The following AKAP9 variants were observed in gnomAD, a reference collection of about 807,000 sequenced individuals.
The protein encoded by AKAP9 is A-kinase anchoring protein 9.
Under a neutral mutation model 488.5 loss-of-function variants are expected in AKAP9, and 311 were observed. That is an observed-to-expected ratio of 0.64 (90% confidence interval 0.58 to 0.70). AKAP9 has a LOEUF of 0.70. AKAP9 is among the 30% of genes least tolerant of loss of function. The pLI, the probability that AKAP9 is intolerant of heterozygous loss-of-function variation, is 0.00. For synonymous variants in AKAP9, 1,462 were observed against 1,483.5 expected (o/e 0.99, Z 0.33); for missense variants, 4,215 against 4,374.5 (o/e 0.96, Z 1.03).
intron 22 of AKAP9, 66 bp from the exon 23 acceptor site, chr7:92,061,194 A>T (rs1239697608): frequency 6.4e-7 from 1 of 1,570,032 alleles, no homozygotes; most frequent in African/African-American, 1.4e-5. Context: ...TCCAGCTTTA[A>T]TAGGGAATGA....
chr7:91,993,298 C>T (rs1385573344), intron 5 of AKAP9, among the ~76,000 whole-genome samples: 1 of 151,756 alleles, frequency 6.6e-6, no homozygotes, highest in Non-Finnish European at 1.5e-5. Context: ...AAGCGATCCT[C>T]CCACCTCAGC....
intron 39 of AKAP9, among the ~76,000 whole-genome samples, chr7:92,094,490 G>A (rs1033409304): frequency 2.6e-5 from 4 of 151,576 alleles, no homozygotes; most frequent in East Asian, 3.9e-4. Flanking sequence ...CCAGGATCGC[G>A]CTATTGCACT....
intron 1 of AKAP9, among the ~76,000 whole-genome samples, chr7:91,957,205 A>G (rs1181485945): frequency 6.6e-6 from 1 of 152,178 alleles, no homozygotes; most frequent in Admixed American, 6.5e-5. Flanking sequence ...GTAAAATTTA[A>G]CAATTTCCTA....
At position 92,110,454 on chromosome 7, in the gene AKAP9, TTTACGCA is replaced by T; in HGVS notation, c.*300_*306del. On this transcript the variant is annotated 3_prime_UTR_variant, in exon 50 of 50. Transcript: ENST00000356239. Reference sequence around the variant, plus strand: ...ATCAAATGGGTGAAAAGATTAAACTTTTACGCATTACAATACTGCTGAATGTGTAGCT... The same window carrying T: ...ATCAAATGGGTGAAAAGATTAAACTTTTACAATACTGCTGAATGTGTAGCT... 1 of 440,336 alleles carries T rather than the reference TTTACGCA, an allele frequency of 2.3e-6. No individual in the cohort carries two copies. Among genetic ancestry groups the T allele is most frequent in the South Asian group, 2.6e-5 (1 of 38,806 alleles). The allele number at this position is 440,336 out of a possible 1,614,324, so 27.3% of individuals were successfully genotyped here.
Position 92,092,804 on chromosome 7 carries a change from G to A in AKAP9, c.9359-293G>A, listed in dbSNP as rs530724678. 2.1e-5 allele frequency: 7 copies of A among 325,722 alleles called. No individual in the cohort carries two copies. The East Asian group carries it at 3.7e-4, about 17-fold the overall frequency. The allele number at this position is 325,722 out of a possible 1,614,324, so 20.2% of individuals were successfully genotyped here. On this transcript the variant is annotated intron_variant, in intron 38 of 49. Transcript: ENST00000356239. Reference sequence around the variant, plus strand: ...TGGGACTACAGGCACATGCCAGCACGCCCAGCTAATTTTTGTATTTTTAGT... The same window carrying A: ...TGGGACTACAGGCACATGCCAGCACACCCAGCTAATTTTTGTATTTTTAGT...
intron 5 of AKAP9, 84 bp downstream of exon 5, chr7:91,993,139 G>A (rs952309966): frequency 6.8e-7 from 1 of 1,468,838 alleles, no homozygotes; most frequent in African/African-American, 1.4e-5. Flanking sequence ...TTTAAAGATG[G>A]GGTTTTTAAA....
intron 1 of AKAP9, among the ~76,000 whole-genome samples, chr7:91,945,655 C>T (rs2130443089): frequency 6.6e-6 from 1 of 152,246 alleles, no homozygotes; most frequent in African/African-American, 2.4e-5. Flanking sequence ...AGAAGCATGA[C>T]CCTGGGAGAT....
At chr7:91,985,453 A>G (rs186569713) in intron 3 of AKAP9, among the ~76,000 whole-genome samples, 29 of 152,024 alleles carry the variant, frequency 1.9e-4, no homozygotes, top group African/African-American at 4.8e-4. Flanking sequence ...CTTGCAGCCT[A>G]GTGATGAAGC....
chr7:91,986,653 TA>T (rs1797130593), intron 3 of AKAP9, among the ~76,000 whole-genome samples: 1 of 152,186 alleles, frequency 6.6e-6, no homozygotes. Flanking sequence ...CTTGTTATAA[TA>T]AGACAGTCTT....
At chr7:92,062,928 T>G (rs1810136080) in intron 24 of AKAP9, among the ~76,000 whole-genome samples, 1 of 152,156 alleles carries the variant, frequency 6.6e-6, no homozygotes, top group African/African-American at 2.4e-5. Context: ...AAAAGGTCAG[T>G]GGCTGGTAGG....
chr7:91,942,582 TCTTA>T (rs1206475129), intron 1 of AKAP9, among the ~76,000 whole-genome samples: 1 of 152,216 alleles, frequency 6.6e-6, no homozygotes, highest in Non-Finnish European at 1.5e-5. Flanking sequence ...TGATTAGATG[TCTTA>T]CTTGTCTGTT....
chr7:92,014,496 G>A lies in AKAP9; in HGVS notation c.3612+168G>A, dbSNP rs545450678. 2.0e-5 allele frequency among the ~76,000 whole-genome samples: 3 copies of A among 152,282 alleles called. No individual in the cohort carries two copies. The South Asian group carries it at 6.2e-4, about 32-fold the overall frequency. On this transcript the variant is annotated intron_variant, in intron 10 of 49. Coordinates refer to ENST00000356239, the MANE Select transcript of AKAP9 (RefSeq NM_005751.5). Reference sequence around the variant, plus strand: ...ATACAAAAATCAGTCCGGCATTGTGGTGTGTGCCTATAGTCCCAGCTACTT... The same window carrying A: ...ATACAAAAATCAGTCCGGCATTGTGATGTGTGCCTATAGTCCCAGCTACTT...
intron 49 of AKAP9, chr7:92,108,941 C>A: frequency 2.2e-6 from 1 of 455,896 alleles, no homozygotes. Context: ...TACTCTGAGT[C>A]TACAGAGCCT....
chr7:92,005,569 G>A (rs755165725), intron 8 of AKAP9, among the ~76,000 whole-genome samples: 19 of 152,060 alleles, frequency 1.2e-4, no homozygotes, highest in East Asian at 3.9e-4. Context: ...ATCAAATGTC[G>A]AGATATTTTA....
intron 30 of AKAP9, among the ~76,000 whole-genome samples, 153 bp downstream of exon 30, chr7:92,078,028 G>T (rs1006120962): frequency 1.7e-4 from 25 of 151,500 alleles, no homozygotes; most frequent in Admixed American, 1.5e-3. Flanking sequence ...ACAGAATCTC[G>T]CTCTGTCGCC....
intron 1 of AKAP9, among the ~76,000 whole-genome samples, chr7:91,971,067 A>C (rs1795018127): frequency 6.6e-6 from 1 of 152,248 alleles, no homozygotes; most frequent in South Asian, 2.1e-4. Context: ...TTCAGTAAAA[A>C]ACAAGCCAGA....
At chr7:92,036,303 CT>C (rs202205846) in intron 16 of AKAP9, among the ~76,000 whole-genome samples, 2 of 150,776 alleles carry the variant, frequency 1.3e-5, no homozygotes, top group East Asian at 2.0e-4. Flanking sequence ...CTCTTTTCTC[CT>C]TTTTTTTTAA....
At chr7:92,094,807 T>C (rs765926647) in intron 39 of AKAP9, among the ~76,000 whole-genome samples, 21 of 152,212 alleles carry the variant, frequency 1.4e-4, no homozygotes, top group Non-Finnish European at 2.9e-4. Context: ...CACTCCAGCC[T>C]GGCGACAGAG....
chr7:92,091,773 A>T (rs934838372), intron 38 of AKAP9, among the ~76,000 whole-genome samples: 1 of 152,134 alleles, frequency 6.6e-6, no homozygotes, highest in Non-Finnish European at 1.5e-5. Context: ...TACTTAGGTT[A>T]AATAGAACAC....
Sources: allele counts gnomAD v4.1 joint callset (sites outside exome capture counted in the v4.1 genomes callset), GRCh38; gene constraint gnomAD v4.1.1; transcripts MANE v1.5; gene names NCBI Gene and HGNC (gene_info 2026-07-23, HGNC 2026-07-21).